Variants in ADGRB3 observed in about 807,000 individuals in gnomAD.
ADGRB3 encodes the protein brain-specific angiogenesis inhibitor 3.
ADGRB3 carries 37 observed loss-of-function variants against 193.4 expected under a neutral mutation model. That is an observed-to-expected ratio of 0.19 (90% CI 0.15 to 0.25). The LOEUF (loss-of-function observed/expected upper bound fraction) is 0.25, where lower values mean the gene tolerates loss of function less well. Ranked by LOEUF, ADGRB3 falls within the 10% of genes least tolerant of loss-of-function variation. ADGRB3 has a pLI of 1.00. For synonymous variants in ADGRB3, 690 were observed against 644.2 expected, an observed-to-expected ratio of 1.07 and a Z score of -1.08; for missense variants, 1,637 against 1,852.9, an observed-to-expected ratio of 0.88 and a Z score of 2.14.
chr6:69,107,581 A>G lies in ADGRB3; in HGVS notation c.2480+31543A>G, dbSNP rs190204128. ...GTTAGACATGTATTTTTAAAAAATC[A>G]CTGAGTTAAAAAGTGGTAACCAAAG... On this transcript the variant is annotated intron_variant, in intron 17 of 31. Transcript: ENST00000370598. 1.7e-3 allele frequency among the ~76,000 whole-genome samples: 266 copies of G among 152,328 alleles called. 2 individuals are homozygous for G. Among genetic ancestry groups the G allele is most frequent in the African/African-American group, 6.2e-3 (258 of 41,574 alleles).
chr6:68,731,787 A>G (rs1765780727), intron 3 of ADGRB3, among the ~76,000 whole-genome samples: 1 of 151,650 alleles, frequency 6.6e-6, no homozygotes, highest in African/African-American at 2.4e-5. Flanking sequence ...ATATATTTAG[A>G]TATTAGTGAT....
intron 20 of ADGRB3, among the ~76,000 whole-genome samples, chr6:69,286,496 G>C (rs1395893586): frequency 1.3e-5 from 2 of 152,188 alleles, no homozygotes; most frequent in Non-Finnish European, 2.9e-5. Context: ...CAAAGGTTCT[G>C]TGTGCCAGAC....
intron 3 of ADGRB3, among the ~76,000 whole-genome samples, chr6:68,892,811 A>G (rs1766116881): frequency 6.6e-6 from 1 of 152,174 alleles, no homozygotes; most frequent in African/African-American, 2.4e-5. Context: ...ATACCTCAAA[A>G]AGTTTATTAA....
chr6:68,698,684 T>A (rs1319523445), intron 3 of ADGRB3, among the ~76,000 whole-genome samples: 1 of 152,040 alleles, frequency 6.6e-6, no homozygotes, highest in South Asian at 2.1e-4. Context: ...ACATGGTTAT[T>A]GATAATGAGA....
chr6:68,698,719 TG>T (rs895096093), intron 3 of ADGRB3, among the ~76,000 whole-genome samples: 2 of 151,976 alleles, frequency 1.3e-5, no homozygotes, highest in African/African-American at 4.8e-5. Flanking sequence ...AGTGAGAGGG[TG>T]CTAGGAAAGC....
chr6:69,380,406 A>G (rs1354208506), intron 30 of ADGRB3, among the ~76,000 whole-genome samples: 1 of 151,968 alleles, frequency 6.6e-6, no homozygotes, highest in Non-Finnish European at 1.5e-5. Context: ...CTTCACAAAC[A>G]AAAATTATCA....
At chr6:69,070,639 A>T (rs1772052306) in intron 16 of ADGRB3, among the ~76,000 whole-genome samples, 1 of 152,216 alleles carries the variant, frequency 6.6e-6, no homozygotes, top group Non-Finnish European at 1.5e-5. Context: ...AATTATGGAG[A>T]GGCAAGAGTG....
At chr6:68,858,511 A>AG (rs1765053099) in intron 3 of ADGRB3, among the ~76,000 whole-genome samples, 1 of 148,372 alleles carries the variant, frequency 6.7e-6, no homozygotes, top group Non-Finnish European at 1.5e-5. Context: ...AAAAAAAAAA[A>AG]AAACACCTGA....
chr6:68,675,251 A>T (rs2127295637), intron 3 of ADGRB3, among the ~76,000 whole-genome samples: 1 of 152,308 alleles, frequency 6.6e-6, no homozygotes, highest in Non-Finnish European at 1.5e-5. Flanking sequence ...TATTGCTTAC[A>T]ATCAATACAG....
At chr6:69,224,322 C>G (rs577190512) in intron 17 of ADGRB3, among the ~76,000 whole-genome samples, 2 of 151,902 alleles carry the variant, frequency 1.3e-5, no homozygotes, top group South Asian at 4.2e-4. Context: ...CACTTGAAAA[C>G]TAGTGTAGAA....
intron 3 of ADGRB3, among the ~76,000 whole-genome samples, chr6:68,889,593 C>T (rs1766015590): frequency 6.6e-6 from 1 of 151,410 alleles, no homozygotes; most frequent in Non-Finnish European, 1.5e-5. Context: ...AGCTCCGCCT[C>T]CTGGGTTCAC....
At chr6:68,807,241 T>TC (rs1377299782) in intron 3 of ADGRB3, among the ~76,000 whole-genome samples, 18 of 135,346 alleles carry the variant, frequency 1.3e-4, no homozygotes, top group East Asian at 1.0e-3. Flanking sequence ...TTTTCTTTTT[T>TC]TTTTTTTTTT....
At chr6:68,819,535 T>G (rs1377647921) in intron 3 of ADGRB3, among the ~76,000 whole-genome samples, 3 of 152,012 alleles carry the variant, frequency 2.0e-5, no homozygotes, top group Non-Finnish European at 2.9e-5. Context: ...TCTAGGGACA[T>G]GAATCTCAAA....
At chr6:69,300,331 C>T (rs1767922733) in intron 20 of ADGRB3, among the ~76,000 whole-genome samples, 1 of 151,584 alleles carries the variant, frequency 6.6e-6, no homozygotes, top group African/African-American at 2.4e-5. Context: ...ACAATAAAGG[C>T]CATGTATGAA....
chr6:68,667,201 A>G (rs1768822841), intron 3 of ADGRB3, among the ~76,000 whole-genome samples: 1 of 151,930 alleles, frequency 6.6e-6, no homozygotes, highest in Non-Finnish European at 1.5e-5. Context: ...TTATAATCAT[A>G]ATTGTAGAAT....
chr6:68,893,184 T>C (rs1766127204), intron 3 of ADGRB3, among the ~76,000 whole-genome samples: 1 of 152,106 alleles, frequency 6.6e-6, no homozygotes, highest in African/African-American at 2.4e-5. Flanking sequence ...AGAAAGGATC[T>C]GTTATTGCTT....
At position 68,735,409 on chromosome 6, in the gene ADGRB3, A is replaced by G. The variant is rs1030381496; in HGVS notation, c.757+95977A>G. On this transcript the variant is annotated intron_variant, in intron 3 of 31. Coordinates refer to ENST00000370598, the MANE Select transcript of ADGRB3 (RefSeq NM_001704.3). ...AGGAATTAAATTGAATTAGAATTAT[A>G]TACTGTGTAAATATATATGATAGAT... Among the ~76,000 whole-genome samples, 8 of 152,068 alleles carry G rather than the reference A, an allele frequency of 5.3e-5. No individual in the cohort carries two copies. The East Asian group carries it at 1.2e-3, about 22-fold the overall frequency.
At chr6:68,787,731 A>G (rs1021176032) in intron 3 of ADGRB3, among the ~76,000 whole-genome samples, 10 of 152,232 alleles carry the variant, frequency 6.6e-5, no homozygotes, top group African/African-American at 9.6e-5. Context: ...AAAGAATGCT[A>G]CCAGCTCCTA....
At chr6:69,230,572 A>G (rs962210392) in intron 17 of ADGRB3, among the ~76,000 whole-genome samples, 3 of 152,232 alleles carry the variant, frequency 2.0e-5, no homozygotes, top group Admixed American at 6.5e-5. Context: ...TACACATACT[A>G]TATAGTTTGT....
Sources: allele counts gnomAD v4.1 joint callset (sites outside exome capture counted in the v4.1 genomes callset), GRCh38; gene constraint gnomAD v4.1.1; transcripts MANE v1.5; gene names NCBI Gene and HGNC (gene_info 2026-07-23, HGNC 2026-07-21).